GALNT13: variants seen among roughly 807,000 people sequenced by gnomAD.
GALNT13 encodes the protein UDP-GalNAc:polypeptide N-acetylgalactosaminyltransferase 13.
GALNT13 carries 28 observed loss-of-function variants against 64.2 expected under a neutral mutation model. That is an observed-to-expected ratio of 0.44 (90% CI 0.32 to 0.60). The LOEUF (loss-of-function observed/expected upper bound fraction) is 0.60, where lower values mean the gene tolerates loss of function less well. Ranked by LOEUF, GALNT13 falls within the 20% of genes least tolerant of loss-of-function variation. GALNT13 has a pLI of 0.05. For missense variants in GALNT13, 577 were observed against 669.8 expected, an observed-to-expected ratio of 0.86 and a Z score of 1.53; for synonymous variants, 214 against 224.6, an observed-to-expected ratio of 0.95 and a Z score of 0.42.
chr2:153,847,960 T>C, the GALNT13 span, among the ~76,000 whole-genome samples: 53 of 152,288 alleles, frequency 3.5e-4, no homozygotes, highest in African/African-American at 1.3e-3. Flanking sequence ...AGTTCCATCT[T>C]GAGGCAAGAG....
At chr2:154,234,400 G>T (rs991626205) in intron 4 of GALNT13, among the ~76,000 whole-genome samples, 1 of 151,654 alleles carries the variant, frequency 6.6e-6, no homozygotes, top group African/African-American at 2.4e-5. Flanking sequence ...TCTAATTTAG[G>T]TGATGACAAA....
At chr2:154,358,028 C>T (rs1696848165) in intron 9 of GALNT13, among the ~76,000 whole-genome samples, 1 of 152,000 alleles carries the variant, frequency 6.6e-6, no homozygotes. Flanking sequence ...GGAATGTGCC[C>T]TTCCAAACTA....
chr2:153,746,279 T>C, the GALNT13 span, among the ~76,000 whole-genome samples: 1 of 152,118 alleles, frequency 6.6e-6, no homozygotes, highest in Admixed American at 6.6e-5. Context: ...AGTAAGTATA[T>C]ACCTCCCAAA....
chr2:153,481,636 G>T, the GALNT13 span, among the ~76,000 whole-genome samples: 11 of 152,042 alleles, frequency 7.2e-5, no homozygotes, highest in Non-Finnish European at 1.3e-4. Context: ...AGAGTTAAAG[G>T]CCCAGTATTT....
At chr2:153,291,733 G>T in the GALNT13 span, among the ~76,000 whole-genome samples, 18 of 94,158 alleles carry the variant, frequency 1.9e-4, no homozygotes, top group Non-Finnish European at 3.7e-4. Context: ...CAGGCTACTT[G>T]TGTTCAAAAG....
rs115917352 is a variant in GALNT13, at chr2:153,986,896, C to T, written c.142+42257C>T. On this transcript the variant is annotated intron_variant, in intron 3 of 12. Coordinates refer to ENST00000392825, the MANE Select transcript of GALNT13 (RefSeq NM_052917.4). ...GTGGGAAGCCACTAAAAAATATTAA[C>T]GATAGAGGAAGGGAATGAGAAGAAA... Among the ~76,000 whole-genome samples, 733 of 151,864 alleles carry T rather than the reference C, an allele frequency of 4.8e-3. 5 individuals carry two copies. The highest frequency in any genetic ancestry group is 0.016 in the African/African-American group (661 of 41,440).
the GALNT13 span, among the ~76,000 whole-genome samples, chr2:153,239,317 C>T: frequency 2.6e-5 from 4 of 152,154 alleles, no homozygotes; most frequent in South Asian, 6.2e-4. Context: ...CCAATTTGGA[C>T]GTGCTTTATT....
At chr2:153,550,588 G>T in the GALNT13 span, among the ~76,000 whole-genome samples, 1 of 152,156 alleles carries the variant, frequency 6.6e-6, no homozygotes, top group East Asian at 1.9e-4. Flanking sequence ...GGCCTTTGTG[G>T]CATTCTGTAG....
the GALNT13 span, among the ~76,000 whole-genome samples, chr2:153,863,792 C>T: frequency 1.4e-3 from 219 of 152,088 alleles, no homozygotes; most frequent in Non-Finnish European, 2.0e-3. Context: ...TACTCAGTCC[C>T]GTGAAGCAAT....
the GALNT13 span, among the ~76,000 whole-genome samples, chr2:153,694,686 T>C: frequency 6.6e-6 from 1 of 152,176 alleles, no homozygotes; most frequent in East Asian, 1.9e-4. Flanking sequence ...GTTGCACATA[T>C]TTGGTAGAAA....
the GALNT13 span, among the ~76,000 whole-genome samples, chr2:153,211,765 G>A: frequency 3.9e-5 from 6 of 152,260 alleles, no homozygotes; most frequent in African/African-American, 1.2e-4. Flanking sequence ...TAAAGCTTGG[G>A]AAGCACTAGC....
At chr2:153,927,202 T>A (rs1246149090) in intron 2 of GALNT13, among the ~76,000 whole-genome samples, 2 of 152,168 alleles carry the variant, frequency 1.3e-5, no homozygotes, top group African/African-American at 4.8e-5. Flanking sequence ...AATTTATGTT[T>A]CTATCTGCAA....
At chr2:153,779,414 C>T in the GALNT13 span, among the ~76,000 whole-genome samples, 2 of 152,118 alleles carry the variant, frequency 1.3e-5, no homozygotes, top group Non-Finnish European at 2.9e-5. Context: ...TCTCAGGCAC[C>T]TCATTTTACA....
At chr2:153,296,279 T>C in the GALNT13 span, among the ~76,000 whole-genome samples, 5 of 152,242 alleles carry the variant, frequency 3.3e-5, no homozygotes, top group South Asian at 1.0e-3. Flanking sequence ...GGACCTCCCA[T>C]TCCTGGAGAA....
At chr2:153,719,049 C>G in the GALNT13 span, among the ~76,000 whole-genome samples, 1 of 152,078 alleles carries the variant, frequency 6.6e-6, no homozygotes, top group Non-Finnish European at 1.5e-5. Context: ...CTACTCTGTT[C>G]TTATTCCACT....
chr2:153,254,505 T>G, the GALNT13 span, among the ~76,000 whole-genome samples: 3 of 152,236 alleles, frequency 2.0e-5, no homozygotes, highest in Non-Finnish European at 4.4e-5. Context: ...TCTTGCCTTC[T>G]GCTAGCTTTT....
chr2:153,829,037 T>G, the GALNT13 span, among the ~76,000 whole-genome samples: 1 of 152,196 alleles, frequency 6.6e-6, no homozygotes, highest in Non-Finnish European at 1.5e-5. Context: ...CATCTCCATC[T>G]GAGACAACCT....
At chr2:154,349,003 C>T (rs1696234045) in intron 9 of GALNT13, among the ~76,000 whole-genome samples, 1 of 152,158 alleles carries the variant, frequency 6.6e-6, no homozygotes, top group Admixed American at 6.5e-5. Flanking sequence ...GTTGCAGGTT[C>T]ACTAAACTAC....
At chr2:153,222,307 TGGGGGGGGGG>T in the GALNT13 span, among the ~76,000 whole-genome samples, 1 of 6,328 alleles carries the variant, frequency 1.6e-4, no homozygotes, top group Non-Finnish European at 5.8e-4. Flanking sequence ...TGAGTCTGGC[TGGGGGGGGGG>T]GGGGGGGGGT....
Sources: gnomAD v4.1 joint callset for allele counts (sites outside exome capture counted in the v4.1 genomes callset) on GRCh38, gnomAD v4.1.1 for gene constraint, MANE v1.5 for transcripts, NCBI Gene and HGNC (gene_info 2026-07-23, HGNC 2026-07-21) for gene names.